The following PLXNA1 variants were observed in gnomAD, a reference collection of about 807,000 sequenced individuals.
PLXNA1 encodes the protein plexin-A1.
Under a neutral mutation model 191.7 loss-of-function variants are expected in PLXNA1, and 77 were observed. The ratio of observed to expected loss-of-function variants is 0.40; its 90% CI spans 0.33 to 0.49. The LOEUF (loss-of-function observed/expected upper bound fraction) is 0.49, where lower values mean the gene tolerates loss of function less well. Among genes scored for constraint, PLXNA1 ranks in the 20% least tolerant of loss-of-function variants. PLXNA1 has a pLI of 0.63. For missense variants in PLXNA1, 2,110 were observed against 2,660.2 expected (o/e 0.79, Z 4.55); for synonymous variants, 1,137 against 1,156.4 (o/e 0.98, Z 0.34).
At chr3:126,998,113 A>G (rs2079022958) in intron 3 of PLXNA1, among the ~76,000 whole-genome samples, 1 of 152,182 alleles carries the variant, frequency 6.6e-6, no homozygotes, top group African/African-American at 2.4e-5. Context: ...TCTGGGGACA[A>G]GGAACAGGAG....
At chr3:127,004,831 A>T in intron 5 of PLXNA1, 54 bp from the exon 6 acceptor site, 8 of 1,569,234 alleles carry the variant, frequency 5.1e-6, no homozygotes, top group Non-Finnish European at 6.9e-6. Flanking sequence ...CCCGCCTGGC[A>T]GGCGGGCCCC....
intron 6 of PLXNA1, 30 bp downstream of exon 6, chr3:127,005,038 T>A: frequency 6.2e-7 from 1 of 1,609,004 alleles, no homozygotes; most frequent in Non-Finnish European, 8.5e-7. Context: ...TGGTAAGGGG[T>A]GGGGGACAGC....
intron 3 of PLXNA1, among the ~76,000 whole-genome samples, chr3:126,992,307 G>T (rs531404750): frequency 6.8e-4 from 104 of 152,242 alleles, no homozygotes; most frequent in African/African-American, 2.1e-3. Context: ...AGACTGAAGG[G>T]TGGGGATACT....
In PLXNA1 at chr3:127,034,080, C is replaced by A; in HGVS notation, c.*63C>A. 1 of 1,420,086 alleles carries A rather than the reference C, an allele frequency of 7.0e-7. No homozygotes were observed. The highest frequency in any genetic ancestry group is 9.7e-7 in the Non-Finnish European group (1 of 1,035,806). 88.0% of individuals were successfully genotyped at this position (1,420,086 alleles called of 1,614,324 possible). ...GACAGCTGAGCAGGGACCGGGACAG[C>A]CCTCACCGCATGCGTGTGGAGTGTC... is the stretch of plus-strand genomic sequence containing the variant. On this transcript the variant is annotated 3_prime_UTR_variant, in exon 32 of 32. Transcript: ENST00000393409.
chr3:126,992,248 G>C (rs2078994424), intron 3 of PLXNA1, among the ~76,000 whole-genome samples: 1 of 152,136 alleles, frequency 6.6e-6, no homozygotes, highest in South Asian at 2.1e-4. Context: ...GGAGCTGCCT[G>C]GGCTGGGGTG....
At chr3:127,007,685 G>T in intron 8 of PLXNA1, 114 bp from the exon 9 acceptor site, 1 of 664,118 alleles carries the variant, frequency 1.5e-6, no homozygotes, top group South Asian at 1.9e-5. Context: ...TCAGTGCCAA[G>T]ACCCTGAGGT....
At chr3:127,008,041 T>C in intron 9 of PLXNA1, 128 bp downstream of exon 9, 1 of 621,754 alleles carries the variant, frequency 1.6e-6, no homozygotes. Flanking sequence ...TGTCACCGTG[T>C]GGTGCATGCA....
chr3:126,994,669 C>T (rs369875871), intron 3 of PLXNA1, among the ~76,000 whole-genome samples: 86 of 152,260 alleles, frequency 5.6e-4, no homozygotes, highest in African/African-American at 2.0e-3. Flanking sequence ...TTGGCCTGGC[C>T]CGGGGGCAGC....
chr3:127,012,001 T>C lies in PLXNA1; in HGVS notation c.2156T>C (p.Val719Ala), dbSNP rs753790778. ...CCCTCCACGCAGATCTACGTGCCAG[T>C]GGGAGTGGTAAAACCCATCACCCTG... ...ILPSTQIYVP[V>A]GVVKPITLAA... The change falls in exon 10 of 32, where the codon GTG (valine) becomes GCG (alanine). Residue 719 changes from valine (V) to alanine (A), a missense_variant. Val to Ala is a moderately conservative substitution (Grantham distance 64). Transcript: ENST00000393409. 1 of 1,613,756 alleles carries C rather than the reference T, an allele frequency of 6.2e-7. No individual in the cohort carries two copies. Among genetic ancestry groups the C allele is most frequent in the Non-Finnish European group, 8.5e-7 (1 of 1,180,010 alleles).
intron 23 of PLXNA1, among the ~76,000 whole-genome samples, chr3:127,024,302 G>C (rs2079166856): frequency 6.6e-6 from 1 of 152,256 alleles, no homozygotes; most frequent in Admixed American, 6.5e-5. Context: ...GCTTCAGCCA[G>C]CGCAGAGTGT....
chr3:127,033,958 C>T lies in PLXNA1; in HGVS notation c.5632C>T (p.Arg1878Trp), dbSNP rs149124469. 5.6e-6 allele frequency: 9 copies of T among 1,605,956 alleles called. No homozygotes were observed. The highest frequency in any genetic ancestry group is 5.3e-5 in the African/African-American group (4 of 74,966). The part of the protein sequence containing the change: ...AALEKDEQAR[R>W]QRLRSKLEQV... ...CCTGGAGAAGGATGAGCAGGCGCGG[C>T]GGCAGCGGCTGCGGAGCAAGCTGGA... is the stretch of plus-strand genomic sequence containing the variant. Residue 1878 changes from arginine (R) to tryptophan (W), a missense_variant, in exon 32 of 32, where the codon CGG (arginine) becomes TGG (tryptophan). Arg to Trp is a moderately radical substitution (Grantham distance 101). This residue lies in a region of PLXNA1 where 559 missense variants were observed against 911.5 expected (regional missense o/e 0.61). Coordinates refer to ENST00000393409, the MANE Select transcript of PLXNA1 (RefSeq NM_032242.4).
chr3:127,008,319 G>A (rs752512070), intron 9 of PLXNA1, among the ~76,000 whole-genome samples: 5 of 152,198 alleles, frequency 3.3e-5, no homozygotes, highest in Non-Finnish European at 7.4e-5. Context: ...GCCTGGCTGG[G>A]CAGGCACAGA....
chr3:126,994,488 G>A (rs1416530494), intron 3 of PLXNA1, among the ~76,000 whole-genome samples: 1 of 150,400 alleles, frequency 6.6e-6, no homozygotes, highest in African/African-American at 2.5e-5. Flanking sequence ...CCCTGGGTTT[G>A]GGGTGAGGGG....
intron 2 of PLXNA1, among the ~76,000 whole-genome samples, chr3:126,990,869 CCA>C (rs2078986793): frequency 6.6e-6 from 1 of 152,170 alleles, no homozygotes; most frequent in Admixed American, 6.5e-5. Context: ...TGAAGCCCCA[CCA>C]CACTCTCTCT....
Position 127,022,760 on chromosome 3 carries a change from C to T in PLXNA1, c.4304C>T (p.Ser1435Leu), listed in dbSNP as rs1364747851. The T allele has an allele frequency of 1.9e-6, 3 of 1,613,840 alleles. No individual in the cohort carries two copies. Among genetic ancestry groups the T allele is most frequent in the African/African-American group, 1.3e-5 (1 of 75,046 alleles). Reference sequence around the variant, plus strand: ...TATTCTGTGCTCCCCAGGACTGAGTCGGTGGCAGAGAAGATGCTAACTAAC... The same window carrying T: ...TATTCTGTGCTCCCCAGGACTGAGTTGGTGGCAGAGAAGATGCTAACTAAC... ...HPKLLLRRTE[S>L]VAEKMLTNWF... The change falls in exon 23 of 32, where the codon TCG (serine) becomes TTG (leucine). Residue 1435 changes from serine (S) to leucine (L), a missense_variant. Ser to Leu is a moderately radical substitution (Grantham distance 145). This residue lies in a region of PLXNA1 where 559 missense variants were observed against 911.5 expected (regional missense o/e 0.61). Transcript: ENST00000393409.
intron 3 of PLXNA1, among the ~76,000 whole-genome samples, chr3:127,002,497 G>A (rs2079045883): frequency 6.6e-6 from 1 of 152,226 alleles, no homozygotes; most frequent in African/African-American, 2.4e-5. Context: ...GGACACAGAG[G>A]AGGGGTACTG....
At chr3:127,011,858 TG>T in intron 9 of PLXNA1, 99 bp from the exon 10 acceptor site, 1 of 1,136,404 alleles carries the variant, frequency 8.8e-7, no homozygotes, top group Non-Finnish European at 1.3e-6. Flanking sequence ...GGTGCTTGGC[TG>T]GGAGCACCAC....
At chr3:127,027,721 T>G in intron 23 of PLXNA1, 2 of 704,666 alleles carry the variant, frequency 2.8e-6, no homozygotes, top group Non-Finnish European at 2.5e-6. Context: ...AGGGTTTTCA[T>G]GTGATATTTG....
chr3:127,028,078 A>G lies in PLXNA1; in HGVS notation c.4501A>G (p.Lys1501Glu). 6.2e-7 allele frequency: 1 copy of G among 1,613,996 alleles called. No individual in the cohort carries two copies. Among genetic ancestry groups the G allele is most frequent in the Non-Finnish European group, 8.5e-7 (1 of 1,179,994 alleles). ...DKLIRQQIDY[K>E]TLTLNCVNPE... ...GCTCATCCGGCAGCAGATTGACTACAAGACACTGGTGAGCGTGGCTGCCCT... is the reference window on the plus strand; with the variant it reads ...GCTCATCCGGCAGCAGATTGACTACGAGACACTGGTGAGCGTGGCTGCCCT... Residue 1501 changes from lysine to glutamate, a missense_variant, in exon 24 of 32, where the codon AAG becomes GAG. Transcript: ENST00000393409.
Sources: allele counts gnomAD v4.1 joint callset (sites outside exome capture counted in the v4.1 genomes callset), GRCh38; gene constraint gnomAD v4.1.1; regional missense constraint gnomAD v4.1.1; transcripts MANE v1.5; gene names NCBI Gene and HGNC (gene_info 2026-07-23, HGNC 2026-07-21).